The following ARAP2 variants were observed in gnomAD, a reference collection of about 807,000 sequenced individuals.
ARAP2 encodes arf-GAP with Rho-GAP domain, ANK repeat and PH domain-containing protein 2.
A neutral mutation model predicts 194.5 loss-of-function variants in ARAP2; 148 were observed. The observed-to-expected ratio is 0.76, with a 90% CI of 0.67 to 0.87. The LOEUF (loss-of-function observed/expected upper bound fraction) is 0.87, where lower values mean the gene tolerates loss of function less well. Ranked by LOEUF, ARAP2 falls within the 40% of genes least tolerant of loss-of-function variation. ARAP2 has a pLI of 0.00. For synonymous variants in ARAP2, 695 were observed against 683.5 expected (o/e 1.02, Z -0.26); for missense variants, 2,128 against 1,989.7 (o/e 1.07, Z -1.32).
intron 27 of ARAP2, among the ~76,000 whole-genome samples, chr4:36,095,702 G>T (rs911366552): frequency 6.7e-6 from 1 of 149,318 alleles, no homozygotes; most frequent in African/African-American, 2.6e-5. Flanking sequence ...CATCAAATTT[G>T]TATTTGTTTT....
At chr4:36,071,121 T>G (rs2109308437) in intron 32 of ARAP2, among the ~76,000 whole-genome samples, 1 of 152,314 alleles carries the variant, frequency 6.6e-6, no homozygotes, top group East Asian at 1.9e-4. Flanking sequence ...AAAATAGCAA[T>G]TTTGAAAAAA....
chr4:36,115,314 C>A (rs924581789), intron 25 of ARAP2, among the ~76,000 whole-genome samples: 1 of 151,898 alleles, frequency 6.6e-6, no homozygotes, highest in Non-Finnish European at 1.5e-5. Context: ...AAGAAAAAAA[C>A]TTGTTATAGC....
intron 15 of ARAP2, among the ~76,000 whole-genome samples, chr4:36,151,690 TGCATACTGAATTAC>T (rs1347679990): frequency 6.6e-5 from 10 of 152,218 alleles, no homozygotes; most frequent in African/African-American, 2.2e-4. Context: ...TTTTAAGAAA[TGCATACTGAATTAC>T]TAAAGGTAAA....
At chr4:36,223,563 T>C (rs573371541) in intron 2 of ARAP2, among the ~76,000 whole-genome samples, 3 of 152,318 alleles carry the variant, frequency 2.0e-5, no homozygotes, top group South Asian at 4.1e-4. Flanking sequence ...AATAAAATTG[T>C]GTCCCTACCC....
chr4:36,074,644 C>G (rs1727820637), intron 31 of ARAP2, among the ~76,000 whole-genome samples: 1 of 151,926 alleles, frequency 6.6e-6, no homozygotes, highest in Non-Finnish European at 1.5e-5. Flanking sequence ...ACACAGAATA[C>G]CGAGTATAAA....
At position 36,141,004 on chromosome 4, in the gene ARAP2, T is replaced by A. The variant is rs7656028; in HGVS notation, c.3263+6292A>T. On this transcript the variant is annotated intron_variant, in intron 19 of 32. Coordinates refer to ENST00000303965, the MANE Select transcript of ARAP2 (RefSeq NM_015230.4). ...AAAGCATAATAAGTGTCTATGGCAATGGGCATGCAGCTATGGAATGTGAAA... is the reference window on the plus strand; with the variant it reads ...AAAGCATAATAAGTGTCTATGGCAAAGGGCATGCAGCTATGGAATGTGAAA... 6.4e-3 allele frequency among the ~76,000 whole-genome samples: 973 copies of A among 151,784 alleles called. 4 individuals carry two copies. Among genetic ancestry groups the A allele is most frequent in the Middle Eastern group, 0.014 (4 of 294 alleles).
At chr4:36,093,028 A>G (rs2109393416) in intron 27 of ARAP2, among the ~76,000 whole-genome samples, 1 of 152,308 alleles carries the variant, frequency 6.6e-6, no homozygotes, top group South Asian at 2.1e-4. Context: ...TGTGGCCATA[A>G]AAAGGAATAA....
chr4:36,202,592 T>A (rs1320746890), intron 6 of ARAP2, among the ~76,000 whole-genome samples: 1 of 152,136 alleles, frequency 6.6e-6, no homozygotes, highest in Non-Finnish European at 1.5e-5. Context: ...CTACCAATTT[T>A]AAAAATATCT....
At chr4:36,225,367 G>C (rs1334577085) in intron 2 of ARAP2, among the ~76,000 whole-genome samples, 1 of 152,006 alleles carries the variant, frequency 6.6e-6, no homozygotes, top group Non-Finnish European at 1.5e-5. Context: ...TTCCTGCCTG[G>C]GGCACTAAGA....
chr4:36,088,292 C>A (rs1189151784), intron 28 of ARAP2, among the ~76,000 whole-genome samples: 1 of 151,974 alleles, frequency 6.6e-6, no homozygotes, highest in South Asian at 2.1e-4. Flanking sequence ...GGTGGGCGGT[C>A]CACTGCACAA....
chr4:36,162,107 CAAAA>C (rs11346353), intron 11 of ARAP2, among the ~76,000 whole-genome samples: 2 of 135,494 alleles, frequency 1.5e-5, no homozygotes, highest in Non-Finnish European at 3.2e-5. Context: ...GACTCCGTCT[CAAAA>C]AAAAAAAAAA....
chr4:36,221,064 C>G (rs1749066786), intron 2 of ARAP2, among the ~76,000 whole-genome samples: 1 of 151,926 alleles, frequency 6.6e-6, no homozygotes, highest in Non-Finnish European at 1.5e-5. Context: ...TTTACTGTAC[C>G]TTTTCTATGT....
downstream of ARAP2, among the ~76,000 whole-genome samples, chr4:36,064,892 T>G: frequency 6.6e-6 from 1 of 150,922 alleles, no homozygotes; most frequent in East Asian, 2.0e-4. Context: ...ATAGAAAGGG[T>G]GGAGATGATG....
rs1433063833 is a variant in ARAP2, at chr4:36,140,026, CTCTT to C, written c.3264-6641_3264-6638del. On this transcript the variant is annotated intron_variant, in intron 19 of 32. Transcript: ENST00000303965. ...ATTTCTCTGAACCTATTATTTCCAC[CTCTT>C]GGACTACCTTAGTGTCTCAGGCCCC... Among the ~76,000 whole-genome samples the C allele has an allele frequency of 1.2e-4, 18 of 151,540 alleles. No individual in the cohort carries two copies. The East Asian group carries it at 1.4e-3, about 11-fold the overall frequency.
At chr4:36,063,534 ACT>A (rs1243455550), downstream of ARAP2, among the ~76,000 whole-genome samples, 1 of 152,026 alleles carries the variant, frequency 6.6e-6, no homozygotes, top group Admixed American at 6.6e-5. Flanking sequence ...GCTGCCTCAA[ACT>A]CTGACTAGTA....
chr4:36,178,692 T>G (rs1323966625), intron 8 of ARAP2, among the ~76,000 whole-genome samples: 1 of 152,166 alleles, frequency 6.6e-6, no homozygotes, highest in East Asian at 1.9e-4. Context: ...TCAAGCAAGA[T>G]TTGAACACAT....
intron 8 of ARAP2, among the ~76,000 whole-genome samples, chr4:36,014,510 A>T (rs1249420304): frequency 2.0e-5 from 3 of 152,208 alleles, no homozygotes; most frequent in Non-Finnish European, 4.4e-5. Context: ...TACAATTTAC[A>T]TCACTATCTG....
At chr4:36,019,121 A>G (rs1716432984) in intron 6 of ARAP2, 1 of 149,710 alleles carries the variant, frequency 6.7e-6, no homozygotes, top group Non-Finnish European at 1.5e-5. Context: ...CATCTTTTAA[A>G]AATTGTCATA....
At chr4:36,052,718 A>G (rs2109253855) in intron 2 of ARAP2, among the ~76,000 whole-genome samples, 1 of 152,328 alleles carries the variant, frequency 6.6e-6, no homozygotes, top group South Asian at 2.1e-4. Context: ...TAATCCCAGC[A>G]CTTTGGGAGG....
Sources: allele counts gnomAD v4.1 joint callset (sites outside exome capture counted in the v4.1 genomes callset), GRCh38; gene constraint gnomAD v4.1.1; transcripts MANE v1.5; gene names NCBI Gene and HGNC (gene_info 2026-07-23, HGNC 2026-07-21).